Variants in CSMD3 observed in about 807,000 individuals in gnomAD.
The protein encoded by CSMD3 is CUB and sushi domain-containing protein 3.
A neutral mutation model predicts 435.2 loss-of-function variants in CSMD3; 177 were observed. That is an observed-to-expected ratio of 0.41 (90% CI 0.36 to 0.46). The LOEUF is 0.46. Ranked by LOEUF, CSMD3 falls within the 20% of genes least tolerant of loss-of-function variation. The probability of loss-of-function intolerance (pLI) is 0.34; values close to 1 mark genes in which losing one functional copy is unlikely to be tolerated. For missense variants in CSMD3, 4,265 were observed against 4,504.6 expected (o/e 0.95, Z 1.52); for synonymous variants, 1,656 against 1,520.5 (o/e 1.09, Z -2.07).
chr8:112,991,257 C>T (rs2085447799), intron 6 of CSMD3, among the ~76,000 whole-genome samples: 1 of 151,034 alleles, frequency 6.6e-6, no homozygotes, highest in Non-Finnish European at 1.5e-5. Context: ...AAACATATTT[C>T]ATAGGAAGAT....
chr8:112,598,356 A>T (rs1831963633), intron 22 of CSMD3, among the ~76,000 whole-genome samples: 1 of 151,610 alleles, frequency 6.6e-6, no homozygotes, highest in Non-Finnish European at 1.5e-5. Flanking sequence ...CCACTTCTCG[A>T]AGAAATAAAA....
intron 13 of CSMD3, among the ~76,000 whole-genome samples, chr8:112,718,921 G>A (rs2076794753): frequency 6.6e-6 from 1 of 152,058 alleles, no homozygotes; most frequent in Non-Finnish European, 1.5e-5. Context: ...TATTTATTAG[G>A]TGGAGATTAG....
intron 3 of CSMD3, among the ~76,000 whole-genome samples, chr8:113,272,235 G>C (rs534749961): frequency 6.6e-6 from 1 of 152,204 alleles, no homozygotes. Context: ...TGGGAAGGCA[G>C]GATTGATTTT....
chr8:112,865,949 G>C (rs949399207), intron 10 of CSMD3, among the ~76,000 whole-genome samples: 1 of 152,060 alleles, frequency 6.6e-6, no homozygotes, highest in Admixed American at 6.6e-5. Flanking sequence ...TCCCCTTTGG[G>C]CTTTGGTAGC....
Position 112,854,860 on chromosome 8 carries a change from A to G in CSMD3, c.1755+4285T>C, listed in dbSNP as rs34186394. On this transcript the variant is annotated intron_variant, in intron 11 of 70. Coordinates refer to ENST00000297405, the MANE Select transcript of CSMD3 (RefSeq NM_198123.2). ...CAATGAGGCATTTATTCTCTTCAAT[A>G]TCCACCACCATCACCTTTCATTCTC... 8.3e-3 allele frequency among the ~76,000 whole-genome samples: 1,257 copies of G among 152,234 alleles called. 10 individuals carry two copies. The highest frequency in any genetic ancestry group is 0.014 in the Non-Finnish European group (946 of 68,008).
intron 12 of CSMD3, among the ~76,000 whole-genome samples, chr8:112,823,381 G>T (rs1273475520): frequency 3.3e-5 from 5 of 151,826 alleles, no homozygotes. Flanking sequence ...TATGTGTCCA[G>T]GAATTTTTCC....
chr8:113,328,084 C>T (rs1483165488), intron 1 of CSMD3, among the ~76,000 whole-genome samples: 1 of 151,452 alleles, frequency 6.6e-6, no homozygotes, highest in African/African-American at 2.4e-5. Context: ...CACAGACACA[C>T]ACAGACACAC....
At chr8:112,410,635 T>C (rs1287484497) in intron 32 of CSMD3, among the ~76,000 whole-genome samples, 1 of 103,282 alleles carries the variant, frequency 9.7e-6, no homozygotes, top group Non-Finnish European at 2.1e-5. Flanking sequence ...TGTGTATATA[T>C]ATGTATATAT....
At chr8:112,797,835 T>C (rs1480153535) in intron 13 of CSMD3, among the ~76,000 whole-genome samples, 6 of 151,816 alleles carry the variant, frequency 4.0e-5, no homozygotes, top group Non-Finnish European at 8.9e-5. Context: ...ATTTTCACAG[T>C]ACAAAAAAAA....
chr8:113,239,611 G>A (rs896558253), intron 3 of CSMD3, among the ~76,000 whole-genome samples: 6 of 151,958 alleles, frequency 3.9e-5, no homozygotes, highest in African/African-American at 9.7e-5. Context: ...GGCTGTTTCT[G>A]TAACAAGTAT....
rs1265055383 is a variant in CSMD3, at chr8:112,380,404, A to G, written c.6084T>C (p.Asn2028=). The change falls in exon 38 of 71, where the codon AAT becomes AAC. Residue 2028 remains asparagine, a synonymous_variant. Coordinates refer to ENST00000297405, the MANE Select transcript of CSMD3 (RefSeq NM_198123.2). ...LNSTSNNLYL[N]FQSDISVSAA... Reference sequence around the variant, plus strand: ...CAGAAACACTGATGTCTGATTGAAAATTTAGATACAGATTATTAGACGTAC... The same window carrying G: ...CAGAAACACTGATGTCTGATTGAAAGTTTAGATACAGATTATTAGACGTAC... 1.2e-6 allele frequency: 2 copies of G among 1,604,082 alleles called. No individual in the cohort carries two copies. Among genetic ancestry groups the G allele is most frequent in the Non-Finnish European group, 1.7e-6 (2 of 1,171,352 alleles).
intron 58 of CSMD3, 63 bp downstream of exon 58, chr8:112,287,001 C>A (rs768101616): frequency 7.4e-7 from 1 of 1,357,252 alleles, no homozygotes; most frequent in Non-Finnish European, 1.1e-6. Flanking sequence ...TAGTACTCAT[C>A]TGGATTTAGA....
intron 4 of CSMD3, among the ~76,000 whole-genome samples, chr8:113,113,653 C>T (rs577103787): frequency 1.3e-5 from 2 of 152,238 alleles, no homozygotes; most frequent in East Asian, 3.9e-4. Flanking sequence ...TTGTTTCTGT[C>T]TCACAATACT....
intron 22 of CSMD3, among the ~76,000 whole-genome samples, chr8:112,631,188 A>T (rs923004046): frequency 5.9e-5 from 9 of 152,266 alleles, no homozygotes; most frequent in Admixed American, 5.2e-4. Context: ...GTCTGTTGCA[A>T]GGGCCAGCAA....
At chr8:112,374,404 T>C (rs1201954901) in intron 38 of CSMD3, among the ~76,000 whole-genome samples, 1 of 152,112 alleles carries the variant, frequency 6.6e-6, no homozygotes, top group Non-Finnish European at 1.5e-5. Context: ...AATTATAATT[T>C]TAATTTAGGG....
chr8:112,304,654 A>T, intron 52 of CSMD3, 67 bp downstream of exon 52: 2 of 1,159,612 alleles, frequency 1.7e-6, no homozygotes, highest in Non-Finnish European at 2.6e-6. Context: ...TTATGAAAGG[A>T]ACTGATTCAA....
chr8:112,728,402 T>C (rs528451751), intron 13 of CSMD3, among the ~76,000 whole-genome samples: 1 of 152,044 alleles, frequency 6.6e-6, no homozygotes, highest in East Asian at 1.9e-4. Flanking sequence ...TATGTAAATA[T>C]CAATAGAGGT....
At chr8:112,356,479 T>C (rs1376225977) in intron 38 of CSMD3, among the ~76,000 whole-genome samples, 4 of 151,882 alleles carry the variant, frequency 2.6e-5, no homozygotes, top group Admixed American at 2.6e-4. Flanking sequence ...GGATGAAGAT[T>C]GAAACAACAG....
intron 30 of CSMD3, among the ~76,000 whole-genome samples, chr8:112,495,952 T>G (rs1821291330): frequency 6.6e-6 from 1 of 151,622 alleles, no homozygotes; most frequent in African/African-American, 2.4e-5. Context: ...TATATATGTT[T>G]TATTAGAGCT....
Sources: gnomAD v4.1 joint callset for allele counts (sites outside exome capture counted in the v4.1 genomes callset) on GRCh38, gnomAD v4.1.1 for gene constraint, MANE v1.5 for transcripts, NCBI Gene and HGNC (gene_info 2026-07-23, HGNC 2026-07-21) for gene names.